Variants in RBFOX1 observed in about 807,000 individuals in gnomAD.
RBFOX1 encodes the protein RNA binding fox-1 homolog 1.
In RBFOX1, 8 loss-of-function variants were observed where a neutral mutation model predicts 57.7. The ratio of observed to expected loss-of-function variants is 0.14; its 90% CI spans 0.08 to 0.25. RBFOX1 has a LOEUF of 0.25. RBFOX1 is among the 10% of genes least tolerant of loss of function. The pLI, the probability that RBFOX1 is intolerant of heterozygous loss-of-function variation, is 1.00. For missense variants in RBFOX1, 611 were observed against 548.5 expected, an observed-to-expected ratio of 1.11 and a Z score of -1.14; for synonymous variants, 326 against 222.4, an observed-to-expected ratio of 1.47 and a Z score of -4.15.
chr16:7,317,443 C>G (rs2096464827), intron 4 of RBFOX1, among the ~76,000 whole-genome samples: 1 of 152,126 alleles, frequency 6.6e-6, no homozygotes. Context: ...ACTATCACCA[C>G]TGTCACCAAT....
intron 3 of RBFOX1, among the ~76,000 whole-genome samples, chr16:6,887,864 G>A (rs1280978687): frequency 1.3e-5 from 2 of 152,068 alleles, no homozygotes; most frequent in Non-Finnish European, 2.9e-5. Flanking sequence ...GGTTTGCCAT[G>A]TTGGCCAGGC....
chr16:5,425,887 A>T (rs533045954), intron 1 of RBFOX1, among the ~76,000 whole-genome samples: 1 of 152,296 alleles, frequency 6.6e-6, no homozygotes, highest in South Asian at 2.1e-4. Context: ...CCCAAACGTC[A>T]AATCCTATGT....
At chr16:6,187,026 T>G (rs995978738) in intron 1 of RBFOX1, among the ~76,000 whole-genome samples, 1 of 152,200 alleles carries the variant, frequency 6.6e-6, no homozygotes, top group Non-Finnish European at 1.5e-5. Context: ...TGTTGAACTG[T>G]AATGATTTGA....
chr16:7,130,594 G>C (rs1463005197), intron 4 of RBFOX1, among the ~76,000 whole-genome samples: 1 of 152,130 alleles, frequency 6.6e-6, no homozygotes, highest in African/African-American at 2.4e-5. Flanking sequence ...AATGTGTGTT[G>C]ATAAGCATAT....
chr16:6,481,247 C>T (rs969033170), intron 2 of RBFOX1, among the ~76,000 whole-genome samples: 1 of 152,160 alleles, frequency 6.6e-6, no homozygotes, highest in African/African-American at 2.4e-5. Context: ...TATCATCTTG[C>T]CTTGTAGTTA....
In RBFOX1 at chr16:6,578,891, G is replaced by A. The variant is rs569157482; in HGVS notation, c.-63-75712G>A. 2.0e-5 allele frequency among the ~76,000 whole-genome samples: 3 copies of A among 152,154 alleles called. No homozygotes were observed. In the East Asian group the frequency reaches 5.8e-4, roughly 29 times the overall value. ...ATGGACTTTGGGGACTTGGGGGAAA[G>A]GGTGGGAGTGGGGTGAGGGTAAAAG... On this transcript the variant is annotated intron_variant, in intron 2 of 15. Coordinates refer to ENST00000550418, the MANE Select transcript of RBFOX1 (RefSeq NM_018723.4).
intron 3 of RBFOX1, among the ~76,000 whole-genome samples, chr16:6,857,793 C>G (rs1364255621): frequency 6.6e-6 from 1 of 152,180 alleles, no homozygotes; most frequent in African/African-American, 2.4e-5. Flanking sequence ...CTTGCCCCAG[C>G]TTTAGCCCAA....
intron 2 of RBFOX1, among the ~76,000 whole-genome samples, chr16:5,477,223 C>T (rs1480944261): frequency 3.3e-5 from 5 of 152,214 alleles, no homozygotes; most frequent in Non-Finnish European, 4.4e-5. Flanking sequence ...GCTTTGTTGC[C>T]CAGGCTGAAG....
intron 1 of RBFOX1, among the ~76,000 whole-genome samples, chr16:5,302,075 T>C (rs1284763456): frequency 6.6e-6 from 1 of 152,188 alleles, no homozygotes; most frequent in East Asian, 1.9e-4. Flanking sequence ...TATAGGCATT[T>C]AATGTAGTAA....
intron 4 of RBFOX1, among the ~76,000 whole-genome samples, chr16:7,201,462 T>TGTTC (rs1206376914): frequency 1.5e-5 from 2 of 129,258 alleles, no homozygotes; most frequent in African/African-American, 6.0e-5. Context: ...CTTTTTTTTT[T>TGTTC]TTTTCTTTTC....
At chr16:7,405,265 A>C (rs1452774905) in intron 4 of RBFOX1, among the ~76,000 whole-genome samples, 1 of 152,192 alleles carries the variant, frequency 6.6e-6, no homozygotes, top group Non-Finnish European at 1.5e-5. Context: ...CGCAGCGCTG[A>C]TGCCAGCCCA....
intron 2 of RBFOX1, among the ~76,000 whole-genome samples, chr16:6,381,828 A>G (rs772749391): frequency 3.9e-5 from 6 of 152,232 alleles, no homozygotes; most frequent in Non-Finnish European, 8.8e-5. Context: ...ATTATCATGC[A>G]TTCACCTGGT....
chr16:5,338,963 G>A (rs536801412), intron 1 of RBFOX1, among the ~76,000 whole-genome samples: 1 of 152,144 alleles, frequency 6.6e-6, no homozygotes, highest in South Asian at 2.1e-4. Context: ...TGTATACATT[G>A]TGGATGACTA....
chr16:7,466,176 C>G (rs547845638), intron 4 of RBFOX1, among the ~76,000 whole-genome samples: 5 of 152,280 alleles, frequency 3.3e-5, no homozygotes, highest in Non-Finnish European at 5.9e-5. Flanking sequence ...TGCCAAAAAG[C>G]TAGCACAGTT....
At chr16:5,241,093 C>T (rs1344926572) in intron 1 of RBFOX1, among the ~76,000 whole-genome samples, 1 of 152,228 alleles carries the variant, frequency 6.6e-6, no homozygotes, top group Non-Finnish European at 1.5e-5. Flanking sequence ...GGAGAGAGGG[C>T]GGCCTTCATT....
intron 4 of RBFOX1, among the ~76,000 whole-genome samples, chr16:7,054,089 C>G (rs1371075860): frequency 6.6e-6 from 1 of 150,640 alleles, no homozygotes; most frequent in Non-Finnish European, 1.5e-5. Flanking sequence ...CATTTTTGTT[C>G]TCTGTCTTTC....
chr16:7,275,883 C>A (rs1603473526), intron 4 of RBFOX1, among the ~76,000 whole-genome samples: 1 of 152,134 alleles, frequency 6.6e-6, no homozygotes, highest in African/African-American at 2.4e-5. Context: ...TGAGAGGCAG[C>A]CCCAGGGGTT....
At chr16:5,944,703 C>G (rs934003430) in intron 4 of RBFOX1, among the ~76,000 whole-genome samples, 3 of 148,780 alleles carry the variant, frequency 2.0e-5, no homozygotes, top group African/African-American at 7.5e-5. Flanking sequence ...GCCTGTAATC[C>G]CAGCACTTTG....
chr16:7,046,394 CTT>C (rs1568520488), intron 3 of RBFOX1, among the ~76,000 whole-genome samples: 1 of 152,034 alleles, frequency 6.6e-6, no homozygotes, highest in Non-Finnish European at 1.5e-5. Context: ...TATTTTGCCT[CTT>C]TAGTTGGAAT....
Sources: gnomAD v4.1 joint callset for allele counts (sites outside exome capture counted in the v4.1 genomes callset) on GRCh38, gnomAD v4.1.1 for gene constraint, MANE v1.5 for transcripts, NCBI Gene and HGNC (gene_info 2026-07-23, HGNC 2026-07-21) for gene names.